The following HSPH1 variants were observed in gnomAD, a reference collection of about 807,000 sequenced individuals.
HSPH1 encodes heat shock protein 105 kDa.
In HSPH1, 40 loss-of-function variants were observed where a neutral mutation model predicts 100.0. The ratio of observed to expected loss-of-function variants is 0.40; its 90% CI spans 0.31 to 0.52. The LOEUF is 0.52. Ranked by LOEUF, HSPH1 falls within the 20% of genes least tolerant of loss-of-function variation. The pLI, the probability that HSPH1 is intolerant of heterozygous loss-of-function variation, is 0.54. For missense variants in HSPH1, 876 were observed against 1,015.1 expected, an observed-to-expected ratio of 0.86 and a Z score of 1.86; for synonymous variants, 403 against 344.0, an observed-to-expected ratio of 1.17 and a Z score of -1.90.
rs140693002 is a variant in HSPH1 at position 31,146,234 on chromosome 13, A to G, written c.1379-466T>C. ...GAGAACTGCTATTGTAAAATCTTCT[A>G]CCTAGTCTTTACCAAATTGAAGTCC... On this transcript the variant is annotated intron_variant, in intron 10 of 17. Transcript: ENST00000320027. Among the ~76,000 whole-genome samples, 259 of 152,292 alleles carry G rather than the reference A, an allele frequency of 1.7e-3. 1 individual carries two copies. Among genetic ancestry groups the G allele is most frequent in the African/African-American group, 6.1e-3 (253 of 41,574 alleles).
At chr13:31,153,364 T>C (rs1340316764) in intron 4 of HSPH1, among the ~76,000 whole-genome samples, 3 of 152,208 alleles carry the variant, frequency 2.0e-5, no homozygotes, top group African/African-American at 4.8e-5. Flanking sequence ...AATTAAACTA[T>C]AGGTAAAAAC....
intron 12 of HSPH1, among the ~76,000 whole-genome samples, chr13:31,142,552 G>T (rs763953654): frequency 6.6e-6 from 1 of 152,052 alleles, no homozygotes; most frequent in African/African-American, 2.4e-5. Flanking sequence ...GAAACAAATG[G>T]ATAACAGCAC....
intron 17 of HSPH1, among the ~76,000 whole-genome samples, chr13:31,138,149 C>A (rs1274246290): frequency 1.3e-5 from 2 of 152,038 alleles, no homozygotes; most frequent in Non-Finnish European, 2.9e-5. Flanking sequence ...CTTGTTTAAT[C>A]CTGAGAACAA....
rs1356202734 is a variant in HSPH1, at chr13:31,154,652, A to G, written c.410T>C (p.Val137Ala). Residue 137 changes from valine (V) to alanine (A), a missense_variant, in exon 4 of 18, where the codon GTA becomes GCA. By Grantham distance (64) the Val-to-Ala change is moderately conservative. Transcript: ENST00000320027. ...ETAENSLKKPVTDCVISVPSF... is the reference protein window; with the variant it reads ...ETAENSLKKPATDCVISVPSF... ...ACTTACTGAAATAACACAATCTGTT[A>G]CTGGTTTCTTGAGGCTGTTTTCAGC... 4.3e-6 allele frequency: 7 copies of G among 1,613,978 alleles called. No individual in the cohort carries two copies. Among genetic ancestry groups the G allele is most frequent in the Non-Finnish European group, 5.9e-6 (7 of 1,179,958 alleles).
chr13:31,138,816 G>A lies in HSPH1; in HGVS notation c.2173C>T (p.His725Tyr). 6.2e-7 allele frequency: 1 copy of A among 1,611,768 alleles called. No individual in the cohort carries two copies. Among genetic ancestry groups the A allele is most frequent in the Non-Finnish European group, 8.5e-7 (1 of 1,179,172 alleles). ...AAGTCAGCTGCTATCTTGGCATAATGCTGCAGCCTCTGTCCTAGTTCTTCA... is the reference window on the plus strand; with the variant it reads ...AAGTCAGCTGCTATCTTGGCATAATACTGCAGCCTCTGTCCTAGTTCTTCA... ...MFEELGQRLQ[H>Y]YAKIAADFRN... Residue 725 changes from histidine (H) to tyrosine (Y), a missense_variant, in exon 16 of 18, where the codon CAT (histidine) becomes TAT (tyrosine). Transcript: ENST00000320027.
At chr13:31,161,453 C>T (rs765570050) in intron 1 of HSPH1, 23 bp downstream of exon 1, 59 of 1,613,356 alleles carry the variant, frequency 3.7e-5, no homozygotes, top group Admixed American at 2.0e-4. Flanking sequence ...TCCTCCCATC[C>T]ACCCTCGCAG....
At chr13:31,154,281 TC>T (rs1956596821) in intron 4 of HSPH1, 1 of 314,490 alleles carries the variant, frequency 3.2e-6, no homozygotes, top group African/African-American at 2.2e-5. Flanking sequence ...TACACTGGTT[TC>T]TCAACGGAGG....
At chr13:31,153,838 A>AAG in intron 4 of HSPH1, 1 of 150,822 alleles carries the variant, frequency 6.6e-6, no homozygotes, top group Non-Finnish European at 1.5e-5. Flanking sequence ...AATGTGGCAA[A>AAG]AAAAAAAAAA....
Position 31,148,254 on chromosome 13 carries a change from G to C in HSPH1, c.1244+120C>G, listed in dbSNP as rs868214010. 7.8e-6 allele frequency: 8 copies of C among 1,025,252 alleles called. No individual in the cohort carries two copies. In the South Asian group the frequency reaches 1.2e-4, roughly 15 times the overall value. The allele number at this position is 1,025,252 out of a possible 1,614,324, so 63.5% of individuals were successfully genotyped here. A position where few individuals can be genotyped will look rare whatever the true frequency, so the allele number is the denominator to read the frequency against. On this transcript the variant is annotated intron_variant, in intron 9 of 17. Transcript: ENST00000320027. ...ATTTTGGTAGATTTGGTTGTTCAAA[G>C]ATTCCAGGTAAATTAATGACTACTA...
At chr13:31,149,025 G>A (rs1451817605) in intron 8 of HSPH1, among the ~76,000 whole-genome samples, 1 of 152,038 alleles carries the variant, frequency 6.6e-6, no homozygotes, top group African/African-American at 2.4e-5. Flanking sequence ...AGATGATTAA[G>A]CTAAATAGAC....
Position 31,150,964 on chromosome 13 carries a change from A to C in HSPH1, c.891T>G (p.Val297=). 1 of 1,610,342 alleles carries C rather than the reference A, an allele frequency of 6.2e-7. No homozygotes were observed. Among genetic ancestry groups the C allele is most frequent in the Non-Finnish European group, 8.5e-7 (1 of 1,178,496 alleles). ...AGACACACCTGTTCATCTTTCCGGA[A>C]ACATCTTTATCATTCATAAAGCATT... ...NIECFMNDKD[V]SGKMNRSQFE... The change falls in exon 7 of 18, where the codon GTT becomes GTG. Residue 297 remains valine, a synonymous_variant. Transcript: ENST00000320027.
At chr13:31,150,218 G>T in intron 7 of HSPH1, 36 bp from the exon 8 acceptor site, 1 of 1,408,080 alleles carries the variant, frequency 7.1e-7, no homozygotes, top group South Asian at 1.3e-5. Context: ...GAAAAGTTAA[G>T]ACCAATATCC....
At chr13:31,158,357 T>C (rs568979105) in intron 2 of HSPH1, among the ~76,000 whole-genome samples, 13 of 152,138 alleles carry the variant, frequency 8.5e-5, no homozygotes, top group Non-Finnish European at 1.3e-4. Flanking sequence ...GAGATCAGTC[T>C]GACCAACATG....
At chr13:31,159,797 T>A (rs866772857) in intron 1 of HSPH1, among the ~76,000 whole-genome samples, 1 of 152,074 alleles carries the variant, frequency 6.6e-6, no homozygotes, top group Admixed American at 6.6e-5. Context: ...AATAGAAACA[T>A]CCTCAAACTA....
At chr13:31,155,480 T>C (rs202235358) in intron 3 of HSPH1, 34 bp downstream of exon 3, 2 of 1,528,358 alleles carry the variant, frequency 1.3e-6, no homozygotes, top group East Asian at 2.3e-5. Context: ...TATTAATAAG[T>C]TGGTATTTTT....
At chr13:31,150,795 A>C (rs1956459332) in intron 7 of HSPH1, 152 bp downstream of exon 7, 5 of 708,366 alleles carry the variant, frequency 7.1e-6, no homozygotes, top group Non-Finnish European at 1.1e-5. Context: ...CCCTAGAGCT[A>C]GTGGTGATAA....
chr13:31,161,981 C>T, upstream of HSPH1: 1 of 1,536,052 alleles, frequency 6.5e-7, no homozygotes, highest in South Asian at 1.2e-5. Flanking sequence ...CATTTACTCA[C>T]CGGCGCCTCC....
At chr13:31,143,994 G>T in intron 11 of HSPH1, 71 bp from the exon 12 acceptor site, 1 of 1,304,116 alleles carries the variant, frequency 7.7e-7, no homozygotes. Context: ...AAGTTAAAGG[G>T]CACCAAAGAA....
chr13:31,154,929 G>A (rs904167967), intron 3 of HSPH1, among the ~76,000 whole-genome samples, 174 bp from the exon 4 acceptor site: 36 of 151,944 alleles, frequency 2.4e-4, no homozygotes, highest in African/African-American at 8.2e-4. Flanking sequence ...GGAGGGAAGG[G>A]GGAGAGAAAG....
Sources: allele counts gnomAD v4.1 joint callset (sites outside exome capture counted in the v4.1 genomes callset), GRCh38; gene constraint gnomAD v4.1.1; transcripts MANE v1.5; gene names NCBI Gene and HGNC (gene_info 2026-07-23, HGNC 2026-07-21).